MASP2: variants seen among roughly 807,000 people sequenced by gnomAD.
MASP2 encodes the protein MBL associated serine protease 2.
A neutral mutation model predicts 57.1 loss-of-function variants in MASP2; 49 were observed. The observed-to-expected ratio is 0.86, with a 90% CI of 0.68 to 1.09. The LOEUF (loss-of-function observed/expected upper bound fraction) is 1.09. Among genes scored for constraint, MASP2 ranks in the 50% least tolerant of loss-of-function variants. The pLI is 0.00. For missense variants in MASP2, 900 were observed against 874.8 expected, an observed-to-expected ratio of 1.03 and a Z score of -0.36; for synonymous variants, 379 against 340.8, an observed-to-expected ratio of 1.11 and a Z score of -1.24.
At chr1:11,041,599 GTGGATGGATGGATGGATGGA>G (rs555313272) in intron 6 of MASP2, among the ~76,000 whole-genome samples, 1 of 117,474 alleles carries the variant, frequency 8.5e-6, no homozygotes, top group Non-Finnish European at 1.7e-5. Flanking sequence ...TGGATGGATG[GTGGATGGATGGATGGATGGA>G]TGGATGGATG....
chr1:11,041,732 T>G (rs1638452754), intron 6 of MASP2, among the ~76,000 whole-genome samples: 2 of 316 alleles, frequency 6.3e-3, no homozygotes, highest in Non-Finnish European at 0.012. Flanking sequence ...GATGGATGGA[T>G]GGGTGAAGAA....
intron 8 of MASP2, among the ~76,000 whole-genome samples, chr1:11,033,789 C>T (rs181479942): frequency 4.6e-5 from 7 of 150,710 alleles, no homozygotes; most frequent in East Asian, 3.9e-4. Flanking sequence ...AAAAATTAGC[C>T]GTGCGTGGTG....
At chr1:11,033,504 G>T (rs1327150168) in intron 8 of MASP2, among the ~76,000 whole-genome samples, 1 of 151,930 alleles carries the variant, frequency 6.6e-6, no homozygotes. Context: ...ACTTAGCCAG[G>T]TGTGGCGGTG....
At position 11,047,034 on chromosome 1, in the gene MASP2, C is replaced by T; in HGVS notation, c.91G>A (p.Ala31Thr). The change falls in exon 2 of 11, where the codon GCA (alanine) becomes ACA (threonine). Residue 31 changes from alanine to threonine, a missense_variant. Physicochemically the swap from Ala to Thr is moderately conservative, Grantham distance 58. Coordinates refer to ENST00000400897, the MANE Select transcript of MASP2 (RefSeq NM_006610.4). ...KWPEPVFGRL[A>T]SPGFPGEYAN... ...TACTCCCCTGGAAAGCCGGGGGATG[C>T]CAGGCGCCCGAACACAGGTTCAGGC... 6.4e-7 allele frequency: 1 copy of T among 1,551,396 alleles called. No individual in the cohort carries two copies. Among genetic ancestry groups the T allele is most frequent in the Non-Finnish European group, 8.7e-7 (1 of 1,147,316 alleles).
At chr1:11,040,465 T>TA (rs61379703) in intron 6 of MASP2, among the ~76,000 whole-genome samples, 3,370 of 96,238 alleles carry the variant, frequency 0.035, 155 homozygotes, top group African/African-American at 0.12. Context: ...AGTCTTTGTC[T>TA]AAAAAAAAAA....
At chr1:11,032,122 G>C (rs910793534) in intron 8 of MASP2, among the ~76,000 whole-genome samples, 1 of 151,998 alleles carries the variant, frequency 6.6e-6, no homozygotes, top group Non-Finnish European at 1.5e-5. Context: ...TGTAGTCCAA[G>C]CTACTGAGGA....
At chr1:11,041,599 G>GA (rs756018785) in intron 6 of MASP2, among the ~76,000 whole-genome samples, 132 of 117,592 alleles carry the variant, frequency 1.1e-3, no homozygotes, top group African/African-American at 4.3e-3. Flanking sequence ...TGGATGGATG[G>GA]TGGATGGATG....
chr1:11,029,665 G>A (rs960645617), intron 10 of MASP2: 1 of 95,220 alleles, frequency 1.1e-5, no homozygotes, highest in African/African-American at 3.5e-5. Context: ...TTTGGATATG[G>A]AATTTCACTA....
intron 4 of MASP2, chr1:11,044,944 A>C: frequency 1.2e-6 from 2 of 1,609,798 alleles, no homozygotes; most frequent in Non-Finnish European, 8.5e-7. Context: ...GGGAGGCTAG[A>C]GGCTCTGCTC....
intron 7 of MASP2, among the ~76,000 whole-genome samples, chr1:11,036,497 C>T (rs1376607410): frequency 9.8e-5 from 10 of 102,228 alleles, no homozygotes; most frequent in Non-Finnish European, 1.8e-4. Flanking sequence ...GGCGACAGAG[C>T]GAGACTCCGT....
chr1:11,046,459 G>A (rs2100908105), intron 3 of MASP2, 97 bp downstream of exon 3: 2 of 1,394,900 alleles, frequency 1.4e-6, no homozygotes, highest in East Asian at 2.4e-5. Context: ...CCTGGGAAAG[G>A]TGGGGAAACT....
Position 11,045,587 on chromosome 1 carries a change from G to A in MASP2, c.413-48C>T, listed in dbSNP as rs951261784. The A allele has an allele frequency of 2.6e-6, 4 of 1,559,266 alleles. No homozygotes were observed. In the African/African-American group the frequency reaches 4.0e-5, roughly 16 times the overall value. On this transcript the variant is annotated intron_variant, in intron 3 of 10. Coordinates refer to ENST00000400897, the MANE Select transcript of MASP2 (RefSeq NM_006610.4). ...CAGGCCGTCAGGAGGGAAAGAGGCG[G>A]GATCCAGCCTGGACTCCTCCCAGGA...
rs997914790 is a variant in MASP2, at chr1:11,047,030, G to A, written c.95C>T (p.Ser32Phe). 2 of 1,551,446 alleles carry A rather than the reference G, an allele frequency of 1.3e-6. No homozygotes were observed. The highest frequency in any genetic ancestry group is 2.4e-5 in the East Asian group (1 of 41,032). ...GGCATACTCCCCTGGAAAGCCGGGGGATGCCAGGCGCCCGAACACAGGTTC... is the reference window on the plus strand; with the variant it reads ...GGCATACTCCCCTGGAAAGCCGGGGAATGCCAGGCGCCCGAACACAGGTTC... ...WPEPVFGRLA[S>F]PGFPGEYAND... The change falls in exon 2 of 11, where the codon TCC (serine) becomes TTC (phenylalanine). Residue 32 changes from serine (S) to phenylalanine (F), a missense_variant. By Grantham distance (155) the Ser-to-Phe change is radical. Transcript: ENST00000400897.
intron 3 of MASP2, 29 bp from the exon 4 acceptor site, chr1:11,045,568 G>T: frequency 6.3e-7 from 1 of 1,588,138 alleles, no homozygotes; most frequent in Non-Finnish European, 8.5e-7. Flanking sequence ...CAGGCAGGCC[G>T]TCAGGAGGGA....
At position 11,046,948 on chromosome 1, in the gene MASP2, G is replaced by A; in HGVS notation, c.177C>T (p.Leu59=). 1 of 1,570,486 alleles carries A rather than the reference G, an allele frequency of 6.4e-7. No individual in the cohort carries two copies. Residue 59 remains leucine (L), a synonymous_variant, in exon 2 of 11, where the codon CTC becomes CTT. Coordinates refer to ENST00000400897, the MANE Select transcript of MASP2 (RefSeq NM_006610.4). ...LTAPPGYRLR[L]YFTHFDLELS... ...GCTCCAGGTCGAAGTGGGTGAAGTA[G>A]AGGCGCAGGCGGTAGCCGGGGGGTG...
At chr1:11,045,337 G>A in intron 4 of MASP2, 71 bp downstream of exon 4, 1 of 1,605,260 alleles carries the variant, frequency 6.2e-7, no homozygotes, top group African/African-American at 1.3e-5. Flanking sequence ...CCTGGGCAGA[G>A]CAGCAATGGC....
rs572332851 is a variant in MASP2, at chr1:11,038,143, G to A, written c.890-332C>T. On this transcript the variant is annotated intron_variant, in intron 6 of 10. Coordinates refer to ENST00000400897, the MANE Select transcript of MASP2 (RefSeq NM_006610.4). ...CAAAACCAAGAGAGAGTGTAACTCCGAGGAAAAGAGCTCAGGGGAGGCTTT... is the reference window on the plus strand; with the variant it reads ...CAAAACCAAGAGAGAGTGTAACTCCAAGGAAAAGAGCTCAGGGGAGGCTTT... Among the ~76,000 whole-genome samples, 14 of 152,250 alleles carry A rather than the reference G, an allele frequency of 9.2e-5. No individual in the cohort carries two copies. The South Asian group carries it at 1.2e-3, about 14-fold the overall frequency.
intron 7 of MASP2, among the ~76,000 whole-genome samples, chr1:11,036,474 G>A (rs1189629314): frequency 4.1e-5 from 5 of 121,846 alleles, no homozygotes; most frequent in African/African-American, 6.0e-5. Flanking sequence ...ACTGCAGTCC[G>A]CAGTCCGGCC....
intron 10 of MASP2, among the ~76,000 whole-genome samples, chr1:11,029,123 GCTGGGACTA>G (rs1017174740): frequency 1.5e-4 from 22 of 150,888 alleles, no homozygotes; most frequent in African/African-American, 4.9e-4. Context: ...CTCCCGAGTA[GCTGGGACTA>G]CAGGCGCCTG....
Sources: allele counts gnomAD v4.1 joint callset (sites outside exome capture counted in the v4.1 genomes callset), GRCh38; gene constraint gnomAD v4.1.1; transcripts MANE v1.5; gene names NCBI Gene and HGNC (gene_info 2026-07-23, HGNC 2026-07-21).